Variants in GALNT13 observed in about 807,000 individuals in gnomAD.
The protein encoded by GALNT13 is polypeptide N-acetylgalactosaminyltransferase 13, also known as UDP-GalNAc:polypeptide N-acetylgalactosaminyltransferase 13.
Under a neutral mutation model 64.2 loss-of-function variants are expected in GALNT13, and 28 were observed. The ratio of observed to expected loss-of-function variants is 0.44; its 90% CI spans 0.32 to 0.60. The LOEUF (loss-of-function observed/expected upper bound fraction) is 0.60, where lower values mean the gene tolerates loss of function less well. Among genes scored for constraint, GALNT13 ranks in the 20% least tolerant of loss-of-function variants. The probability of loss-of-function intolerance (pLI) is 0.05; values close to 1 mark genes in which losing one functional copy is unlikely to be tolerated. For synonymous variants in GALNT13, 214 were observed against 224.6 expected (o/e 0.95, Z 0.42); for missense variants, 577 against 669.8 (o/e 0.86, Z 1.53).
intron 3 of GALNT13, among the ~76,000 whole-genome samples, chr2:154,085,282 A>G (rs1336992491): frequency 6.6e-6 from 1 of 152,066 alleles, no homozygotes; most frequent in Non-Finnish European, 1.5e-5. Flanking sequence ...GTGGATTGGA[A>G]CTAATTACTG....
chr2:153,755,398 C>T, the GALNT13 span, among the ~76,000 whole-genome samples: 1 of 152,058 alleles, frequency 6.6e-6, no homozygotes, highest in South Asian at 2.1e-4. Context: ...CATTTGCCCA[C>T]ATCCTGGCCA....
At chr2:154,312,288 T>A (rs1694089097) in intron 9 of GALNT13, among the ~76,000 whole-genome samples, 1 of 152,244 alleles carries the variant, frequency 6.6e-6, no homozygotes, top group African/African-American at 2.4e-5. Flanking sequence ...AGCCGGTCCC[T>A]CCGTTTGGGG....
At chr2:153,417,166 C>T in the GALNT13 span, among the ~76,000 whole-genome samples, 1 of 152,108 alleles carries the variant, frequency 6.6e-6, no homozygotes, top group Admixed American at 6.6e-5. Context: ...TGCTAAATCC[C>T]TACAGGGAGA....
chr2:153,802,213 T>C, the GALNT13 span, among the ~76,000 whole-genome samples: 1 of 152,224 alleles, frequency 6.6e-6, no homozygotes, highest in Non-Finnish European at 1.5e-5. Flanking sequence ...TTTCTCAAAA[T>C]GTTAGCACCT....
intron 2 of GALNT13, among the ~76,000 whole-genome samples, chr2:153,934,118 A>G (rs1690730985): frequency 6.6e-6 from 1 of 152,176 alleles, no homozygotes; most frequent in South Asian, 2.1e-4. Context: ...TTCTGAATGT[A>G]TCTTTAATGC....
chr2:153,284,810 C>A, the GALNT13 span, among the ~76,000 whole-genome samples: 1 of 151,994 alleles, frequency 6.6e-6, no homozygotes, highest in African/African-American at 2.4e-5. Context: ...TCTTAAAGCT[C>A]ACAGAACTGA....
intron 7 of GALNT13, among the ~76,000 whole-genome samples, chr2:154,249,565 T>TA (rs1242780023): frequency 6.6e-6 from 1 of 152,202 alleles, no homozygotes; most frequent in African/African-American, 2.4e-5. Flanking sequence ...ATAGATTTTT[T>TA]AAATGAAAAA....
chr2:153,088,286 G>A, the GALNT13 span, among the ~76,000 whole-genome samples: 1 of 151,914 alleles, frequency 6.6e-6, no homozygotes, highest in Admixed American at 6.6e-5. Flanking sequence ...GGTTCCTTTT[G>A]GAATTAATTT....
chr2:153,529,035 A>C, the GALNT13 span, among the ~76,000 whole-genome samples: 2 of 152,044 alleles, frequency 1.3e-5, no homozygotes, highest in East Asian at 3.9e-4. Context: ...GCAGGAAAAC[A>C]AACCCCAAAA....
the GALNT13 span, among the ~76,000 whole-genome samples, chr2:153,604,262 G>A: frequency 1.3e-5 from 2 of 152,040 alleles, no homozygotes; most frequent in Admixed American, 6.6e-5. Flanking sequence ...CAACCATACA[G>A]TATCCCATCT....
In GALNT13 at chr2:154,394,032, T is replaced by G. The variant is rs1204658826; in HGVS notation, c.1157-1959T>G. On this transcript the variant is annotated intron_variant, in intron 9 of 12. Coordinates refer to ENST00000392825, the MANE Select transcript of GALNT13 (RefSeq NM_052917.4). ...GGCGGAGCTTGCAGTGAGCCGAGAT[T>G]GCGCCACTGCACTCCAGCCTGGGCG... Among the ~76,000 whole-genome samples the G allele has an allele frequency of 7.9e-5, 9 of 114,314 alleles. No individual in the cohort carries two copies. In the East Asian group the frequency reaches 2.4e-3, roughly 30 times the overall value. The allele number at this position is 114,314 out of a possible 152,430, so 75.0% of individuals were successfully genotyped here.
rs144801010 is a variant in GALNT13, at chr2:154,331,572, T to C, written c.1156+29983T>C. Among the ~76,000 whole-genome samples, 962 of 152,186 alleles carry C rather than the reference T, an allele frequency of 6.3e-3. 12 individuals are homozygous for C. The highest frequency in any genetic ancestry group is 0.022 in the African/African-American group (904 of 41,540). ...ACCTTAGCCTTCCAAAGTGCTAGGATGACAGGTGTGAGGCACTGTGCCTGT... is the reference window on the plus strand; with the variant it reads ...ACCTTAGCCTTCCAAAGTGCTAGGACGACAGGTGTGAGGCACTGTGCCTGT... On this transcript the variant is annotated intron_variant, in intron 9 of 12. Coordinates refer to ENST00000392825, the MANE Select transcript of GALNT13 (RefSeq NM_052917.4).
At chr2:153,441,428 C>T in the GALNT13 span, among the ~76,000 whole-genome samples, 12 of 152,138 alleles carry the variant, frequency 7.9e-5, no homozygotes, top group Non-Finnish European at 1.6e-4. Context: ...CTTGGCTATA[C>T]ACACTGTTAT....
chr2:154,085,236 T>G (rs958651109), intron 3 of GALNT13, among the ~76,000 whole-genome samples: 2 of 152,102 alleles, frequency 1.3e-5, no homozygotes, highest in African/African-American at 4.8e-5. Context: ...TTCTTTACTT[T>G]CCTGCTTAAA....
chr2:154,311,001 T>TTCATA, intron 9 of GALNT13, among the ~76,000 whole-genome samples: 1 of 151,956 alleles, frequency 6.6e-6, no homozygotes, highest in African/African-American at 2.4e-5. Context: ...TGAATATATA[T>TTCATA]GAATGACAAC....
chr2:153,439,124 C>T, the GALNT13 span, among the ~76,000 whole-genome samples: 1 of 152,034 alleles, frequency 6.6e-6, no homozygotes, highest in African/African-American at 2.4e-5. Context: ...AGCAGTGGCT[C>T]CAGAACAGCA....
At chr2:153,839,750 A>G in the GALNT13 span, among the ~76,000 whole-genome samples, 1 of 151,818 alleles carries the variant, frequency 6.6e-6, no homozygotes, top group Admixed American at 6.6e-5. Context: ...CATTGGTACA[A>G]TTAGAGACAG....
At chr2:154,430,481 G>T (rs1195101413) in intron 11 of GALNT13, among the ~76,000 whole-genome samples, 1 of 152,200 alleles carries the variant, frequency 6.6e-6, no homozygotes, top group African/African-American at 2.4e-5. Context: ...AAACTTTAAT[G>T]AATGAGCATT....
At chr2:153,309,930 G>C in the GALNT13 span, among the ~76,000 whole-genome samples, 1 of 152,040 alleles carries the variant, frequency 6.6e-6, no homozygotes, top group Middle Eastern at 3.4e-3. Flanking sequence ...TGGCCTCTAG[G>C]CTATCAAAAA....
Sources: gnomAD v4.1 joint callset for allele counts (sites outside exome capture counted in the v4.1 genomes callset) on GRCh38, gnomAD v4.1.1 for gene constraint, MANE v1.5 for transcripts, NCBI Gene and HGNC (gene_info 2026-07-23, HGNC 2026-07-21) for gene names.